The following EYA1 variants were observed in gnomAD, a reference collection of about 807,000 sequenced individuals.
EYA1 encodes protein phosphatase EYA1.
Under a neutral mutation model 82.0 loss-of-function variants are expected in EYA1, and 16 were observed. The observed-to-expected ratio is 0.20, with a 90% CI of 0.13 to 0.30. EYA1 has a LOEUF of 0.30. Ranked by LOEUF, EYA1 falls within the 10% of genes least tolerant of loss-of-function variation. The pLI is 1.00. For synonymous variants in EYA1, 261 were observed against 264.4 expected, an observed-to-expected ratio of 0.99 and a Z score of 0.12; for missense variants, 633 against 730.7, an observed-to-expected ratio of 0.87 and a Z score of 1.54.
chr8:71,512,043 T>C (rs1812637238), intron 2 of EYA1, among the ~76,000 whole-genome samples: 1 of 151,958 alleles, frequency 6.6e-6, no homozygotes, highest in African/African-American at 2.4e-5. Context: ...ATATGCATTA[T>C]GTCATGATCA....
intron 2 of EYA1, among the ~76,000 whole-genome samples, chr8:71,524,451 G>C (rs1247848428): frequency 6.6e-6 from 1 of 152,032 alleles, no homozygotes; most frequent in Admixed American, 6.5e-5. Flanking sequence ...TCATTTTTAG[G>C]CTTGTAAAAT....
At chr8:71,404,917 C>T (rs74561315) in intron 2 of EYA1, 1 of 40,900 alleles carries the variant, frequency 2.4e-5, no homozygotes, top group African/African-American at 7.9e-5. Context: ...GACTCCACCT[C>T]AAAAAAAAAA....
chr8:71,411,648 T>C (rs1362207998), intron 2 of EYA1, among the ~76,000 whole-genome samples: 1 of 151,442 alleles, frequency 6.6e-6, no homozygotes, highest in Non-Finnish European at 1.5e-5. Context: ...TCACTGGCCA[T>C]CAGAGAAATG....
At chr8:71,351,003 G>T (rs1433779412) in intron 3 of EYA1, among the ~76,000 whole-genome samples, 1 of 152,146 alleles carries the variant, frequency 6.6e-6, no homozygotes, top group Admixed American at 6.5e-5. Context: ...CCACGCAGAG[G>T]CTTGCACAGA....
At chr8:71,309,881 T>A (rs994183593) in intron 7 of EYA1, among the ~76,000 whole-genome samples, 4 of 152,220 alleles carry the variant, frequency 2.6e-5, no homozygotes, top group African/African-American at 9.6e-5. Context: ...CCAATCTCTT[T>A]AGCAGAACAA....
Position 71,321,792 on chromosome 8 carries a change from T to C in EYA1, c.360A>G (p.Gln120=). The C allele has an allele frequency of 1.9e-6, 3 of 1,614,254 alleles. No homozygotes were observed. Among genetic ancestry groups the C allele is most frequent in the East Asian group, 4.5e-5 (2 of 44,884 alleles). ...GQTQFTTGMQ[Q]ATAYATYPQP... ...GTGGGTACGTGGCATAGGCTGTAGC[T>C]TGTTGCATTCCTGTGGTAAACTGTG... Residue 120 remains glutamine, a synonymous_variant, in exon 6 of 18, where the codon CAA becomes CAG. Coordinates refer to ENST00000340726, the MANE Select transcript of EYA1 (RefSeq NM_000503.6).
chr8:71,368,292 C>G (rs892003883), intron 2 of EYA1, among the ~76,000 whole-genome samples: 1 of 151,870 alleles, frequency 6.6e-6, no homozygotes, highest in South Asian at 2.1e-4. Context: ...TCAGAGCGCC[C>G]GTAGAGGAGC....
chr8:71,526,634 G>A (rs144786002), intron 2 of EYA1, among the ~76,000 whole-genome samples: 23 of 152,316 alleles, frequency 1.5e-4, no homozygotes, highest in Non-Finnish European at 2.4e-4. Flanking sequence ...GGCCACATGT[G>A]CCCCTCCACA....
chr8:71,421,611 C>G (rs1440827969), intron 2 of EYA1, among the ~76,000 whole-genome samples: 1 of 151,996 alleles, frequency 6.6e-6, no homozygotes, highest in East Asian at 1.9e-4. Context: ...ATACGAAAGT[C>G]CTAAAGGTTG....
intron 9 of EYA1, among the ~76,000 whole-genome samples, chr8:71,296,698 T>C (rs753030593): frequency 3.3e-5 from 5 of 152,086 alleles, no homozygotes; most frequent in Non-Finnish European, 5.9e-5. Flanking sequence ...ATGTAAAAAA[T>C]TCTACCTCAA....
At chr8:71,441,549 A>G (rs1232120948) in intron 2 of EYA1, among the ~76,000 whole-genome samples, 4 of 152,184 alleles carry the variant, frequency 2.6e-5, no homozygotes, top group Admixed American at 2.6e-4. Context: ...GAATAGCCCT[A>G]CTGAAGCTTT....
At chr8:71,458,172 C>T (rs1473125491) in intron 2 of EYA1, among the ~76,000 whole-genome samples, 1 of 151,956 alleles carries the variant, frequency 6.6e-6, no homozygotes, top group South Asian at 2.1e-4. Context: ...TTGTATACAA[C>T]CCTGGTTGTA....
intron 2 of EYA1, among the ~76,000 whole-genome samples, chr8:71,453,498 A>C (rs1020473097): frequency 6.6e-6 from 1 of 152,224 alleles, no homozygotes; most frequent in Admixed American, 6.5e-5. Context: ...ATGAAGGAAA[A>C]AATGTTAAGG....
intron 2 of EYA1, among the ~76,000 whole-genome samples, chr8:71,389,640 C>T (rs1829158845): frequency 1.3e-5 from 2 of 152,112 alleles, no homozygotes; most frequent in Middle Eastern, 3.2e-3. Context: ...GATATTAACA[C>T]CTGGAAAAAA....
chr8:71,251,842 A>C (rs1813782766), intron 11 of EYA1, among the ~76,000 whole-genome samples: 2 of 149,710 alleles, frequency 1.3e-5, no homozygotes, highest in South Asian at 4.2e-4. Flanking sequence ...TTTTTTTTTT[A>C]ATCCTCATCA....
chr8:71,228,910 T>C (rs779402975), intron 12 of EYA1, among the ~76,000 whole-genome samples: 6 of 152,222 alleles, frequency 3.9e-5, no homozygotes, highest in East Asian at 1.9e-4. Context: ...CACGTTCAGA[T>C]ACATTTTTCT....
chr8:71,340,884 C>T (rs188989324), intron 3 of EYA1, among the ~76,000 whole-genome samples: 1 of 152,194 alleles, frequency 6.6e-6, no homozygotes, highest in African/African-American at 2.4e-5. Flanking sequence ...GATAAACTGA[C>T]TTAAAAGACA....
chr8:71,334,457 T>C (rs1352353692), intron 3 of EYA1: 2 of 452,242 alleles, frequency 4.4e-6, no homozygotes, highest in South Asian at 2.1e-5. Flanking sequence ...GAATTACTTA[T>C]TGATAAATTA....
At chr8:71,320,725 GAATT>G (rs1822445736) in intron 6 of EYA1, among the ~76,000 whole-genome samples, 1 of 152,008 alleles carries the variant, frequency 6.6e-6, no homozygotes, top group African/African-American at 2.4e-5. Flanking sequence ...GTTTGAGATA[GAATT>G]AAAAGGAATA....
Sources: gnomAD v4.1 joint callset for allele counts (sites outside exome capture counted in the v4.1 genomes callset) on GRCh38, gnomAD v4.1.1 for gene constraint, MANE v1.5 for transcripts, NCBI Gene and HGNC (gene_info 2026-07-23, HGNC 2026-07-21) for gene names.